The following REL variants were observed in gnomAD, a reference collection of about 807,000 sequenced individuals.
REL encodes the protein proto-oncogene c-Rel.
REL carries 15 observed loss-of-function variants against 45.9 expected under a neutral mutation model. The ratio of observed to expected loss-of-function variants is 0.33; its 90% CI spans 0.22 to 0.50. The LOEUF is 0.50. Among genes scored for constraint, REL ranks in the 20% least tolerant of loss-of-function variants. The pLI is 0.98. For missense variants in REL, 601 were observed against 715.2 expected, an observed-to-expected ratio of 0.84 and a Z score of 1.82; for synonymous variants, 239 against 242.1, an observed-to-expected ratio of 0.99 and a Z score of 0.12.
chr2:60,881,744 G>C lies in REL; in HGVS notation c.-97G>C. 8.7e-7 allele frequency: 1 copy of C among 1,155,652 alleles called. No homozygotes were observed. The highest frequency in any genetic ancestry group is 1.6e-5 in the African/African-American group (1 of 63,140). 71.6% of individuals were successfully genotyped at this position (1,155,652 alleles called of 1,614,324 possible). A position where few individuals can be genotyped will look rare whatever the true frequency, so the allele number is the denominator to read the frequency against. The stretch of plus-strand genomic sequence containing the variant: ...GGGTGGTCGGGGGACTGGGGGCCCC[G>C]CCGGCAGAGGTCCCTCGGCCTCCTG... On this transcript the variant is annotated 5_prime_UTR_variant, in exon 1 of 10. Coordinates refer to ENST00000394479, the MANE Select transcript of REL (RefSeq NM_001291746.2).
At chr2:60,917,668 T>C (rs1674013475) in intron 5 of REL, among the ~76,000 whole-genome samples, 1 of 147,020 alleles carries the variant, frequency 6.8e-6, no homozygotes, top group South Asian at 2.1e-4. Flanking sequence ...TATGAAACTT[T>C]CCCCCAAAAT....
intron 4 of REL, among the ~76,000 whole-genome samples, chr2:60,916,208 T>C (rs1337602083): frequency 1.3e-5 from 2 of 151,958 alleles, no homozygotes; most frequent in Admixed American, 1.3e-4. Context: ...AGCCTGGGAG[T>C]TTGAGACCAC....
intron 4 of REL, among the ~76,000 whole-genome samples, chr2:60,903,598 A>G (rs1472981642): frequency 2.0e-5 from 3 of 152,048 alleles, no homozygotes; most frequent in Non-Finnish European, 4.4e-5. Flanking sequence ...CAGTGTCACA[A>G]TCTCGACTTG....
Position 60,918,576 on chromosome 2 carries a change from A to T in REL, c.823A>T (p.Met275Leu). 6.2e-7 allele frequency: 1 copy of T among 1,613,852 alleles called. No homozygotes were observed. Among genetic ancestry groups the T allele is most frequent in the Non-Finnish European group, 8.5e-7 (1 of 1,179,740 alleles). Residue 275 changes from methionine (M) to leucine (L), a missense_variant, in exon 7 of 10, where the codon ATG becomes TTG. Coordinates refer to ENST00000394479, the MANE Select transcript of REL (RefSeq NM_001291746.2). Reference sequence around the variant, plus strand: ...TTCTGACCAGGAAGTTAGTGAATCTATGGATTTTAGATATCTGCCAGATGA... The same window carrying T: ...TTCTGACCAGGAAGTTAGTGAATCTTTGGATTTTAGATATCTGCCAGATGA... ...RPSDQEVSES[M>L]DFRYLPDEKD... is the part of the protein sequence containing the mutation.
At chr2:60,883,781 G>C (rs904729152) in intron 1 of REL, among the ~76,000 whole-genome samples, 3 of 151,086 alleles carry the variant, frequency 2.0e-5, no homozygotes, top group Non-Finnish European at 1.5e-5. Flanking sequence ...TTCCCTAAAA[G>C]TAAGGAGGAA....
chr2:60,887,953 A>T (rs1439034730), intron 1 of REL, among the ~76,000 whole-genome samples: 1 of 147,772 alleles, frequency 6.8e-6, no homozygotes, highest in Non-Finnish European at 1.5e-5. Context: ...TTTGAGACGG[A>T]GTCTCACTCT....
At chr2:60,920,498 G>A (rs1460447030) in intron 8 of REL, 76 bp from the exon 9 acceptor site, 1 of 1,168,796 alleles carries the variant, frequency 8.6e-7, no homozygotes, top group Admixed American at 1.8e-5. Flanking sequence ...ACCACGCCCG[G>A]CCAGTTTTTC....
chr2:60,916,858 A>ATT lies in REL; in HGVS notation c.395-10_395-9dup. 5 of 1,521,750 alleles carry ATT rather than the reference A, an allele frequency of 3.3e-6. No homozygotes were observed. The highest frequency in any genetic ancestry group is 3.6e-6 in the Non-Finnish European group (4 of 1,112,080). The allele number at this position is 1,521,750 out of a possible 1,614,324, so 94.3% of individuals were successfully genotyped here. ...TCTATGTGACTATTACATTTAAAAA[A>ATT]TTTTTTTTTTCTATTCAGTCCCTGA... On this transcript the variant is annotated intron_variant, in intron 4 of 9. Coordinates refer to ENST00000394479, the MANE Select transcript of REL (RefSeq NM_001291746.2).
At chr2:60,910,971 C>T (rs1037058277) in intron 4 of REL, among the ~76,000 whole-genome samples, 3 of 152,144 alleles carry the variant, frequency 2.0e-5, no homozygotes, top group African/African-American at 7.2e-5. Flanking sequence ...TTTGACATTA[C>T]AGAATAAAAC....
chr2:60,907,828 C>T (rs1000942317), intron 4 of REL, among the ~76,000 whole-genome samples: 1 of 151,604 alleles, frequency 6.6e-6, no homozygotes, highest in African/African-American at 2.4e-5. Flanking sequence ...GTAGCTAGGA[C>T]TACAGGTGCC....
intron 1 of REL, among the ~76,000 whole-genome samples, chr2:60,887,665 G>A (rs942832765): frequency 1.3e-4 from 19 of 149,888 alleles, no homozygotes; most frequent in African/African-American, 4.6e-4. Flanking sequence ...GAGTATTACA[G>A]TATACTGTGT....
intron 4 of REL, among the ~76,000 whole-genome samples, chr2:60,911,600 A>G (rs756324943): frequency 1.3e-5 from 2 of 152,208 alleles, no homozygotes; most frequent in Non-Finnish European, 2.9e-5. Flanking sequence ...CAAAGAAATG[A>G]TAAGATTTCT....
At chr2:60,886,749 A>AT (rs1573310658) in intron 1 of REL, among the ~76,000 whole-genome samples, 1 of 152,014 alleles carries the variant, frequency 6.6e-6, no homozygotes, top group South Asian at 2.1e-4. Flanking sequence ...TTTCAATGTA[A>AT]TTTTTTTATT....
rs1342643565 is a variant in REL, at chr2:60,930,217, CG to C, written c.*7683del. The C allele has an allele frequency of 1.3e-4, 20 of 152,216 alleles. No individual in the cohort carries two copies. The highest frequency in any genetic ancestry group is 2.5e-4 in the Non-Finnish European group (17 of 68,032). 9.4% of individuals were successfully genotyped at this position (152,216 alleles called of 1,614,324 possible). ...AAGAAACACTGTAAATTATATAGTG[CG>C]AATCAAATATTGTTAATAAACCAAT... On this transcript the variant is annotated 3_prime_UTR_variant, in exon 10 of 10. Coordinates refer to ENST00000394479, the MANE Select transcript of REL (RefSeq NM_001291746.2).
chr2:60,920,489 C>T (rs1386003113), intron 8 of REL, 85 bp from the exon 9 acceptor site: 2 of 1,048,422 alleles, frequency 1.9e-6, no homozygotes, highest in Non-Finnish European at 3.0e-6. Flanking sequence ...GTGGGAGCCA[C>T]CACGCCCGGC....
intron 1 of REL, among the ~76,000 whole-genome samples, chr2:60,887,848 TC>T (rs1253727867): frequency 6.6e-6 from 1 of 151,926 alleles, no homozygotes; most frequent in African/African-American, 2.4e-5. Flanking sequence ...CAACTACTTT[TC>T]TGTTCTTTTT....
At chr2:60,920,363 G>C (rs1419108825) in intron 8 of REL, 1 of 619,282 alleles carries the variant, frequency 1.6e-6, no homozygotes, top group South Asian at 2.0e-5. Flanking sequence ...ACCACACCCG[G>C]CTAATTTTTG....
chr2:60,903,643 C>T (rs1474722736), intron 4 of REL, among the ~76,000 whole-genome samples: 2 of 152,244 alleles, frequency 1.3e-5, no homozygotes, highest in South Asian at 2.1e-4. Flanking sequence ...AAGCGATTCT[C>T]GTGCCTCAGC....
chr2:60,898,492 G>T (rs967543831), intron 3 of REL, among the ~76,000 whole-genome samples: 3 of 152,102 alleles, frequency 2.0e-5, no homozygotes, highest in Non-Finnish European at 4.4e-5. Context: ...TTTTTCTTCT[G>T]TTCCAGCATA....
Sources: gnomAD v4.1 joint callset for allele counts (sites outside exome capture counted in the v4.1 genomes callset) on GRCh38, gnomAD v4.1.1 for gene constraint, MANE v1.5 for transcripts, NCBI Gene and HGNC (gene_info 2026-07-23, HGNC 2026-07-21) for gene names.